Variants in ZNF12 observed in about 807,000 individuals in gnomAD.
ZNF12 encodes the protein gonadotropin inducible transcription repressor 3.
In ZNF12, 34 loss-of-function variants were observed where a neutral mutation model predicts 66.6. The ratio of observed to expected loss-of-function variants is 0.51; its 90% CI spans 0.39 to 0.68. The LOEUF (loss-of-function observed/expected upper bound fraction) is 0.68. ZNF12 is among the 30% of genes least tolerant of loss of function. The pLI is 0.00. For synonymous variants in ZNF12, 320 were observed against 278.9 expected (o/e 1.15, Z -1.47); for missense variants, 697 against 826.9 (o/e 0.84, Z 1.93).
In ZNF12 at chr7:6,705,752, A is replaced by T. The variant is rs377696864; in HGVS notation, c.-50-529T>A. Reference sequence around the variant, plus strand: ...CAAACAAACAAACAAAAAACAAACAACAAAAAATGAATTCTGTAATACTCA... The same window carrying T: ...CAAACAAACAAACAAAAAACAAACATCAAAAAATGAATTCTGTAATACTCA... On this transcript the variant is annotated intron_variant, in intron 1 of 4. Coordinates refer to ENST00000405858, the MANE Select transcript of ZNF12 (RefSeq NM_016265.4). This position sits in a 1 kb window ranked among gnomAD's most constrained non-coding sequence, Gnocchi z 4.0. 6.6e-6 allele frequency among the ~76,000 whole-genome samples: 1 copy of T among 152,070 alleles called. No homozygotes were observed. Among genetic ancestry groups the T allele is most frequent in the Non-Finnish European group, 1.5e-5 (1 of 68,008 alleles).
In ZNF12 at chr7:6,689,195, A is replaced by G. The variant is rs961673678; in HGVS notation, c.*1653T>C. On this transcript the variant is annotated 3_prime_UTR_variant, in exon 5 of 5. Coordinates refer to ENST00000405858, the MANE Select transcript of ZNF12 (RefSeq NM_016265.4). ...CACAAAAGAAACAGTCCAAAGGAGG[A>G]GTGGCTACAAGGCTGCTTGGTTTGG... 1 of 152,234 alleles carries G rather than the reference A, an allele frequency of 6.6e-6. No individual in the cohort carries two copies. Among genetic ancestry groups the G allele is most frequent in the Non-Finnish European group, 1.5e-5 (1 of 68,044 alleles). The allele number at this position is 152,234 out of a possible 1,614,324, so 9.4% of individuals were successfully genotyped here. A position where few individuals can be genotyped will look rare whatever the true frequency, so the allele number is the denominator to read the frequency against.
Position 6,697,955 on chromosome 7 carries a change from C to G in ZNF12, c.16-144G>C. 1 of 993,644 alleles carries G rather than the reference C, an allele frequency of 1.0e-6. No homozygotes were observed. Among genetic ancestry groups the G allele is most frequent in the Non-Finnish European group, 1.6e-6 (1 of 626,092 alleles). 61.6% of individuals were successfully genotyped at this position (993,644 alleles called of 1,614,324 possible). A position where few individuals can be genotyped will look rare whatever the true frequency, so the allele number is the denominator to read the frequency against. On this transcript the variant is annotated intron_variant, in intron 2 of 4. Coordinates refer to ENST00000405858, the MANE Select transcript of ZNF12 (RefSeq NM_016265.4). This position sits in a 1 kb window ranked among gnomAD's most constrained non-coding sequence, Gnocchi z 6.1. ...GACTGTCAAAGGGAAACAAACATAT[C>G]AGAAATACACTGTTCTGGGGTTCAT...
At chr7:6,706,232 G>A (rs552767975) in intron 1 of ZNF12, among the ~76,000 whole-genome samples, 200 bp downstream of exon 1, 1 of 152,274 alleles carries the variant, frequency 6.6e-6, no homozygotes, top group South Asian at 2.1e-4. Flanking sequence ...GGGGAGTGGA[G>A]ACAACGTCCG....
Position 6,691,579 on chromosome 7 carries a change from G to A in ZNF12, c.1363C>T (p.His455Tyr), listed in dbSNP as rs1184810648. The change falls in exon 5 of 5, where the codon CAT (histidine) becomes TAT (tyrosine). Residue 455 changes from histidine to tyrosine, a missense_variant. Coordinates refer to ENST00000405858, the MANE Select transcript of ZNF12 (RefSeq NM_016265.4). ...FFSRLSYLTV[H>Y]YRTHSGEKPY... is the part of the protein sequence containing the mutation. ...TTCTCTCCTGAATGAGTTCTATAAT[G>A]TACAGTGAGATATGACAACCGAGAG... 1 of 1,613,990 alleles carries A rather than the reference G, an allele frequency of 6.2e-7. No individual in the cohort carries two copies. The highest frequency in any genetic ancestry group is 8.5e-7 in the Non-Finnish European group (1 of 1,180,008).
Position 6,692,406 on chromosome 7 carries a change from T to C in ZNF12, c.536A>G (p.Lys179Arg). Residue 179 changes from lysine (K) to arginine (R), a missense_variant, in exon 5 of 5, where the codon AAG becomes AGG. By Grantham distance (26) the Lys-to-Arg change is conservative (BLOSUM62 2). Around this residue, in one of 3 missense-constraint regions of ZNF12, gnomAD observed 241 missense variants for 224.0 expected, o/e 1.08. Transcript: ENST00000405858. The surrounding 1 kb of genome is among the most constrained non-coding windows in gnomAD (Gnocchi z 5.1). ...ATCTCCTGGATGAGTTTTCTCAAGCTTAATATGGAGGAGTGATTTCCCACA... is the reference window on the plus strand; with the variant it reads ...ATCTCCTGGATGAGTTTTCTCAAGCCTAATATGGAGGAGTGATTTCCCACA... ...SGCGKSLLHI[K>R]LEKTHPGDQA... 6.2e-7 allele frequency: 1 copy of C among 1,613,232 alleles called. No homozygotes were observed. The highest frequency in any genetic ancestry group is 8.5e-7 in the Non-Finnish European group (1 of 1,179,514).
chr7:6,690,106 T>C lies in ZNF12; in HGVS notation c.*742A>G, dbSNP rs1270783688. The C allele has an allele frequency of 6.6e-6, 1 of 152,240 alleles. No homozygotes were observed. Among genetic ancestry groups the C allele is most frequent in the African/African-American group, 2.4e-5 (1 of 41,464 alleles). 9.4% of individuals were successfully genotyped at this position (152,240 alleles called of 1,614,324 possible). A position where few individuals can be genotyped will look rare whatever the true frequency, so the allele number is the denominator to read the frequency against. On this transcript the variant is annotated 3_prime_UTR_variant, in exon 5 of 5. Transcript: ENST00000405858. ...AAAAGCATTGGTCCTTTAGAGCTGA[T>C]ATTGTTCATTAAGAATGATCAATGC...
intron 2 of ZNF12, among the ~76,000 whole-genome samples, chr7:6,704,466 T>C (rs1159092071): frequency 2.0e-5 from 3 of 150,152 alleles, no homozygotes; most frequent in Admixed American, 6.7e-5. Flanking sequence ...CAGTGGCTCA[T>C]GCCTGTAAGC....
rs1780160963 is a variant in ZNF12, at chr7:6,696,757, A to G, written c.238+582T>C. On this transcript the variant is annotated intron_variant, in intron 4 of 4. Transcript: ENST00000405858. The surrounding 1 kb of genome is among the most constrained non-coding windows in gnomAD (Gnocchi z 4.0). ...GATGAAAACGAGCATTTGGTTAAAGAGGGAGACCCAGGTACTGCAGTCACC... is the reference window on the plus strand; with the variant it reads ...GATGAAAACGAGCATTTGGTTAAAGGGGGAGACCCAGGTACTGCAGTCACC... Among the ~76,000 whole-genome samples the G allele has an allele frequency of 1.3e-5, 2 of 152,148 alleles. No homozygotes were observed.
At position 6,690,808 on chromosome 7, in the gene ZNF12, T is replaced by C. The variant is rs1374599172; in HGVS notation, c.*40A>G. On this transcript the variant is annotated 3_prime_UTR_variant, in exon 5 of 5. Coordinates refer to ENST00000405858, the MANE Select transcript of ZNF12 (RefSeq NM_016265.4). Reference sequence around the variant, plus strand: ...CTTCAGGCAGGAGTTTCTGATTCACTATACTGAAAGGGTTCTCTGATATAA... The same window carrying C: ...CTTCAGGCAGGAGTTTCTGATTCACCATACTGAAAGGGTTCTCTGATATAA... The C allele has an allele frequency of 2.7e-5, 41 of 1,527,162 alleles. No individual in the cohort carries two copies. The highest frequency in any genetic ancestry group is 3.5e-5 in the Non-Finnish European group (40 of 1,138,934). The allele number at this position is 1,527,162 out of a possible 1,614,324, so 94.6% of individuals were successfully genotyped here. A position where few individuals can be genotyped will look rare whatever the true frequency, so the allele number is the denominator to read the frequency against.
chr7:6,697,854 C>T lies in ZNF12; in HGVS notation c.16-43G>A. 2 of 1,612,380 alleles carry T rather than the reference C, an allele frequency of 1.2e-6. No homozygotes were observed. ...TTGGAATTGGGTGACGTGAAATAGG[C>T]ACATAGGTACAAGATCTTAGCATGC... On this transcript the variant is annotated intron_variant, in intron 2 of 4. Transcript: ENST00000405858. This position sits in a 1 kb window ranked among gnomAD's most constrained non-coding sequence, Gnocchi z 6.1.
Position 6,696,121 on chromosome 7 carries a change from A to C in ZNF12, c.238+1218T>G, listed in dbSNP as rs144579093. Among the ~76,000 whole-genome samples the C allele has an allele frequency of 0.012, 1,775 of 152,320 alleles. 132 individuals are homozygous for C. Among genetic ancestry groups the C allele is most frequent in the Admixed American group, 0.1 (1,601 of 15,294 alleles). ...AGCGATGATATCAACTGGAAACTTTAGATGAAGACATACTGCAAATCCAGC... is the reference window on the plus strand; with the variant it reads ...AGCGATGATATCAACTGGAAACTTTCGATGAAGACATACTGCAAATCCAGC... On this transcript the variant is annotated intron_variant, in intron 4 of 4. Transcript: ENST00000405858. The surrounding 1 kb of genome is among the most constrained non-coding windows in gnomAD (Gnocchi z 4.0).
chr7:6,702,324 A>ACACACACC (rs1554294914), intron 2 of ZNF12, among the ~76,000 whole-genome samples: 1 of 41,716 alleles, frequency 2.4e-5, no homozygotes, highest in South Asian at 7.6e-4. Context: ...ACACACACAC[A>ACACACACC]CCAGATTCGT....
In ZNF12 at chr7:6,692,739, C is replaced by T. The variant is rs888627277; in HGVS notation, c.239-36G>A. 6.6e-7 allele frequency: 1 copy of T among 1,513,930 alleles called. No homozygotes were observed. Among genetic ancestry groups the T allele is most frequent in the Non-Finnish European group, 8.8e-7 (1 of 1,132,498 alleles). 93.8% of individuals were successfully genotyped at this position (1,513,930 alleles called of 1,614,324 possible). On this transcript the variant is annotated intron_variant, in intron 4 of 4. Transcript: ENST00000405858. The surrounding 1 kb of genome is among the most constrained non-coding windows in gnomAD (Gnocchi z 5.1). ...ACAAAATTAATAAACTTTTGTACAT[C>T]TTCCTATATATATATGATATGGAAT...
At chr7:6,694,179 AAAAC>A (rs1313579464) in intron 4 of ZNF12, among the ~76,000 whole-genome samples, 2 of 151,356 alleles carry the variant, frequency 1.3e-5, no homozygotes, top group African/African-American at 2.4e-5. Context: ...AAAAAAAAAC[AAAAC>A]AAACAAAACA....
rs577566109 is a variant in ZNF12, at chr7:6,705,069, T to G, written c.15+90A>C. ...GACCAAATCTTGTATCTATTTCTAC[T>G]TTCCCATTTTAAACTTTGAACCCTT... On this transcript the variant is annotated intron_variant, in intron 2 of 4. Coordinates refer to ENST00000405858, the MANE Select transcript of ZNF12 (RefSeq NM_016265.4). This position sits in a 1 kb window ranked among gnomAD's most constrained non-coding sequence, Gnocchi z 4.0. 80 of 1,462,810 alleles carry G rather than the reference T, an allele frequency of 5.5e-5. No homozygotes were observed. The East Asian group carries it at 1.8e-3, about 34-fold the overall frequency. 90.6% of individuals were successfully genotyped at this position (1,462,810 alleles called of 1,614,324 possible).
chr7:6,694,766 G>A (rs773555205), intron 4 of ZNF12, among the ~76,000 whole-genome samples: 1 of 152,086 alleles, frequency 6.6e-6, no homozygotes, highest in South Asian at 2.1e-4. Flanking sequence ...TTCCATGCTT[G>A]AAAAAAATAC....
rs368930024 is a variant in ZNF12 at position 6,689,679 on chromosome 7, C to A, written c.*1169G>T. 1.9e-4 allele frequency: 29 copies of A among 151,574 alleles called. No individual in the cohort carries two copies. Among genetic ancestry groups the A allele is most frequent in the African/African-American group, 5.6e-4 (23 of 41,104 alleles). The allele number at this position is 151,574 out of a possible 1,614,324, so 9.4% of individuals were successfully genotyped here. A position where few individuals can be genotyped will look rare whatever the true frequency, so the allele number is the denominator to read the frequency against. ...TAGAGCACAAGGTTTAAAACCAGTACGACATCAAATGAAAACACAGTGAAT... is the reference window on the plus strand; with the variant it reads ...TAGAGCACAAGGTTTAAAACCAGTAAGACATCAAATGAAAACACAGTGAAT... On this transcript the variant is annotated 3_prime_UTR_variant, in exon 5 of 5. Transcript: ENST00000405858.
chr7:6,698,133 C>T lies in ZNF12; in HGVS notation c.16-322G>A. 2 of 524,964 alleles carry T rather than the reference C, an allele frequency of 3.8e-6. No individual in the cohort carries two copies. The highest frequency in any genetic ancestry group is 7.2e-6 in the Non-Finnish European group (2 of 276,610). 32.5% of individuals were successfully genotyped at this position (524,964 alleles called of 1,614,324 possible). A position where few individuals can be genotyped will look rare whatever the true frequency, so the allele number is the denominator to read the frequency against. ...CAGGCCTGGGGACACTCACAGAACC[C>T]CAGGATGCACTCTGCTTCTTTGCAC... On this transcript the variant is annotated intron_variant, in intron 2 of 4. Transcript: ENST00000405858. This position sits in a 1 kb window ranked among gnomAD's most constrained non-coding sequence, Gnocchi z 4.4.
intron 4 of ZNF12, among the ~76,000 whole-genome samples, chr7:6,693,673 A>G (rs1354527392): frequency 6.6e-6 from 1 of 152,234 alleles, no homozygotes; most frequent in Non-Finnish European, 1.5e-5. Flanking sequence ...AGGTGGTTGT[A>G]GGATTGCAGC....
Sources: gnomAD v4.1 joint callset for allele counts (sites outside exome capture counted in the v4.1 genomes callset) on GRCh38, gnomAD v4.1.1 for gene constraint, gnomAD v4.1.1 regional missense constraint, Gnocchi (gnomAD v3.1) non-coding constraint, MANE v1.5 for transcripts, NCBI Gene and HGNC (gene_info 2026-07-23, HGNC 2026-07-21) for gene names.